TCF4: variants seen among roughly 807,000 people sequenced by gnomAD.
The protein encoded by TCF4 is SL3-3 enhancer factor 2.
A neutral mutation model predicts 82.1 loss-of-function variants in TCF4; 3 were observed. The observed-to-expected ratio is 0.04, with a 90% CI of 0.02 to 0.09. The LOEUF is 0.09. TCF4 is among the 10% of genes least tolerant of loss of function. The pLI is 1.00. For synonymous variants in TCF4, 276 were observed against 309.6 expected, an observed-to-expected ratio of 0.89 and a Z score of 1.14; for missense variants, 518 against 852.7, an observed-to-expected ratio of 0.61 and a Z score of 4.89.
At chr18:55,454,685 G>A (rs995122206) in intron 5 of TCF4, among the ~76,000 whole-genome samples, 1 of 152,180 alleles carries the variant, frequency 6.6e-6, no homozygotes, top group African/African-American at 2.4e-5. Context: ...TCATAAAATA[G>A]AGATGAATGG....
At chr18:55,399,170 G>A (rs2093660018) in intron 6 of TCF4, among the ~76,000 whole-genome samples, 1 of 152,178 alleles carries the variant, frequency 6.6e-6, no homozygotes, top group African/African-American at 2.4e-5. Context: ...TAAGTCATTT[G>A]TAATACCTAT....
chr18:55,360,205 G>C (rs971508246), intron 6 of TCF4, among the ~76,000 whole-genome samples: 3 of 152,190 alleles, frequency 2.0e-5, no homozygotes, highest in Non-Finnish European at 2.9e-5. Flanking sequence ...ACTTCCCTTA[G>C]TAGGTAGCAA....
intron 3 of TCF4, among the ~76,000 whole-genome samples, chr18:55,466,921 G>A (rs566839635): frequency 1.1e-4 from 17 of 152,194 alleles, no homozygotes; most frequent in African/African-American, 3.6e-4. Flanking sequence ...CTGACCAATC[G>A]GATCTGACTG....
chr18:55,238,216 C>A (rs1035549163), intron 15 of TCF4, among the ~76,000 whole-genome samples: 15 of 152,120 alleles, frequency 9.9e-5, no homozygotes, highest in African/African-American at 3.1e-4. Flanking sequence ...ATAGAGATAA[C>A]AATAGTCTAA....
At chr18:55,574,150 A>G (rs1415367278) in intron 3 of TCF4, among the ~76,000 whole-genome samples, 1 of 152,122 alleles carries the variant, frequency 6.6e-6, no homozygotes, top group East Asian at 1.9e-4. Flanking sequence ...CTACACTTCA[A>G]GGGCCAATTT....
At chr18:55,256,041 A>T (rs1343117738) in intron 14 of TCF4, among the ~76,000 whole-genome samples, 2 of 152,198 alleles carry the variant, frequency 1.3e-5, no homozygotes, top group Non-Finnish European at 2.9e-5. Flanking sequence ...GCCTTGGAAA[A>T]GTTACTAAAC....
intron 3 of TCF4, among the ~76,000 whole-genome samples, chr18:55,582,273 A>T: frequency 6.6e-6 from 1 of 152,048 alleles, no homozygotes; most frequent in East Asian, 1.9e-4. Flanking sequence ...GGATGCTTTT[A>T]GTTTGTTTTA....
At chr18:55,303,403 T>C (rs2069049265) in intron 8 of TCF4, among the ~76,000 whole-genome samples, 1 of 152,146 alleles carries the variant, frequency 6.6e-6, no homozygotes, top group African/African-American at 2.4e-5. Flanking sequence ...TTAGTCTATT[T>C]AAACTTTTGC....
intron 6 of TCF4, among the ~76,000 whole-genome samples, chr18:55,357,051 T>C (rs1327964947): frequency 6.6e-6 from 1 of 152,174 alleles, no homozygotes; most frequent in East Asian, 1.9e-4. Flanking sequence ...TAAAGACTCA[T>C]GCATTTTGGT....
intron 6 of TCF4, among the ~76,000 whole-genome samples, chr18:55,352,560 C>T (rs907959980): frequency 6.6e-6 from 1 of 152,064 alleles, no homozygotes; most frequent in Non-Finnish European, 1.5e-5. Flanking sequence ...AAACTCATTG[C>T]TAGTATCTTA....
intron 5 of TCF4, among the ~76,000 whole-genome samples, chr18:55,459,324 T>C (rs1343547411): frequency 6.6e-6 from 1 of 152,242 alleles, no homozygotes; most frequent in African/African-American, 2.4e-5. Context: ...TGAGGAAACA[T>C]GAACAGAACA....
At chr18:55,353,862 C>T (rs932624945) in intron 6 of TCF4, among the ~76,000 whole-genome samples, 2 of 152,164 alleles carry the variant, frequency 1.3e-5, no homozygotes, top group Non-Finnish European at 2.9e-5. Context: ...CAAGTTTCTG[C>T]TTAATAAAAG....
chr18:55,538,030 A>ACG (rs1224624224), intron 3 of TCF4, among the ~76,000 whole-genome samples: 2 of 126,502 alleles, frequency 1.6e-5, no homozygotes. Context: ...GCGCGCGCAC[A>ACG]CACACACACA....
At chr18:55,623,131 ACTGT>A (rs928969888) in intron 2 of TCF4, among the ~76,000 whole-genome samples, 2 of 152,092 alleles carry the variant, frequency 1.3e-5, no homozygotes, top group African/African-American at 2.4e-5. Context: ...CATTAAACAC[ACTGT>A]CTTTTGTTTT....
At chr18:55,267,913 A>T (rs1217394845) in intron 11 of TCF4, 1 of 152,146 alleles carries the variant, frequency 6.6e-6, no homozygotes, top group Non-Finnish European at 1.5e-5. Context: ...TATTCTCAGC[A>T]TATAGAAGTC....
Position 55,403,630 on chromosome 18 carries a change from G to T in TCF4, c.305-112C>A, listed in dbSNP as rs139195893. 3.3e-5 allele frequency: 53 copies of T among 1,605,794 alleles called. No individual in the cohort carries two copies. The East Asian group carries it at 1.1e-3, about 34-fold the overall frequency. On this transcript the variant is annotated intron_variant, in intron 5 of 19. Transcript: ENST00000354452. ...CCCGATGTTTACATACGTAAAGTAGGCACTACTGGCAATGTATGCAAGCAA... is the reference window on the plus strand; with the variant it reads ...CCCGATGTTTACATACGTAAAGTAGTCACTACTGGCAATGTATGCAAGCAA...
At chr18:55,302,632 C>A (rs776939273) in intron 8 of TCF4, 129 of 1,502,070 alleles carry the variant, frequency 8.6e-5, no homozygotes, top group Non-Finnish European at 1.1e-4. Context: ...AACTCAGACC[C>A]GCAGATGTCC....
chr18:55,480,483 AG>A lies in TCF4; in HGVS notation c.146-16347del, dbSNP rs1195214912. 2.0e-5 allele frequency among the ~76,000 whole-genome samples: 3 copies of A among 152,216 alleles called. No homozygotes were observed. The East Asian group carries it at 5.8e-4, about 29-fold the overall frequency. On this transcript the variant is annotated intron_variant, in intron 3 of 19. Transcript: ENST00000354452. ...AGTATTTGGTTACTAAAACAAACATAGCAGAATTTTTGAGAAAGGTGAGTTA... is the reference window on the plus strand; with the variant it reads ...AGTATTTGGTTACTAAAACAAACATACAGAATTTTTGAGAAAGGTGAGTTA...
chr18:55,369,296 T>C (rs796556947), intron 6 of TCF4, among the ~76,000 whole-genome samples: 1 of 152,198 alleles, frequency 6.6e-6, no homozygotes, highest in Non-Finnish European at 1.5e-5. Flanking sequence ...AATCTACTGA[T>C]TCCTTTAAGA....
Sources: gnomAD v4.1 joint callset for allele counts (sites outside exome capture counted in the v4.1 genomes callset) on GRCh38, gnomAD v4.1.1 for gene constraint, MANE v1.5 for transcripts, NCBI Gene and HGNC (gene_info 2026-07-23, HGNC 2026-07-21) for gene names.